RUNDC3B: variants seen among roughly 807,000 people sequenced by gnomAD.
The protein encoded by RUNDC3B is RUN domain containing 3B, also known as RUN domain-containing protein 3B.
RUNDC3B carries 33 observed loss-of-function variants against 58.4 expected under a neutral mutation model. That is an observed-to-expected ratio of 0.56 (90% CI 0.43 to 0.75). RUNDC3B has a LOEUF of 0.75. Among genes scored for constraint, RUNDC3B ranks in the 30% least tolerant of loss-of-function variants. The pLI, the probability that RUNDC3B is intolerant of heterozygous loss-of-function variation, is 0.00. For missense variants in RUNDC3B, 501 were observed against 535.7 expected, an observed-to-expected ratio of 0.94 and a Z score of 0.64; for synonymous variants, 193 against 195.2, an observed-to-expected ratio of 0.99 and a Z score of 0.10.
chr7:87,710,441 T>A (rs1469953023), intron 3 of RUNDC3B, 129 bp from the exon 4 acceptor site: 2 of 602,508 alleles, frequency 3.3e-6, no homozygotes, highest in Non-Finnish European at 5.8e-6. Context: ...TACTTAAACA[T>A]TTTTCTTAGT....
intron 6 of RUNDC3B, among the ~76,000 whole-genome samples, chr7:87,753,958 A>C (rs554980730): frequency 6.6e-6 from 1 of 152,330 alleles, no homozygotes; most frequent in South Asian, 2.1e-4. Context: ...ATATAAAGGC[A>C]CATTTATTAA....
At chr7:87,648,791 A>C (rs1208389689) in intron 1 of RUNDC3B, among the ~76,000 whole-genome samples, 1 of 152,170 alleles carries the variant, frequency 6.6e-6, no homozygotes, top group African/African-American at 2.4e-5. Flanking sequence ...TTACTTAATT[A>C]TAAAGATTAT....
At chr7:87,718,135 A>G (rs943112990) in intron 4 of RUNDC3B, among the ~76,000 whole-genome samples, 5 of 152,180 alleles carry the variant, frequency 3.3e-5, no homozygotes, top group Non-Finnish European at 5.9e-5. Flanking sequence ...AAAAGGATGC[A>G]AAGCATATAA....
chr7:87,735,320 G>T (rs371618789), intron 4 of RUNDC3B, among the ~76,000 whole-genome samples: 1 of 152,058 alleles, frequency 6.6e-6, no homozygotes. Flanking sequence ...CAGTCATCTA[G>T]ACCTCTTTTA....
chr7:87,819,028 C>A (rs575843782), intron 10 of RUNDC3B, among the ~76,000 whole-genome samples: 1 of 152,242 alleles, frequency 6.6e-6, no homozygotes, highest in Admixed American at 6.5e-5. Context: ...CTTGCAGACC[C>A]CTGACCCAGC....
intron 1 of RUNDC3B, among the ~76,000 whole-genome samples, chr7:87,650,097 A>G (rs1823430539): frequency 6.6e-6 from 1 of 152,078 alleles, no homozygotes; most frequent in Non-Finnish European, 1.5e-5. Flanking sequence ...ATTTTATTCT[A>G]TTTTGTGCTC....
At chr7:87,743,682 T>C (rs1399403069) in intron 6 of RUNDC3B, among the ~76,000 whole-genome samples, 1 of 152,092 alleles carries the variant, frequency 6.6e-6, no homozygotes, top group Non-Finnish European at 1.5e-5. Flanking sequence ...TTCATACTGA[T>C]TTGTTTGAGT....
intron 2 of RUNDC3B, among the ~76,000 whole-genome samples, chr7:87,698,373 C>T (rs1449149316): frequency 2.6e-5 from 4 of 152,076 alleles, no homozygotes; most frequent in Admixed American, 2.6e-4. Context: ...GGATTACAGG[C>T]GTGAGCCACC....
At chr7:87,795,595 T>A (rs922042856) in intron 8 of RUNDC3B, among the ~76,000 whole-genome samples, 8 of 151,934 alleles carry the variant, frequency 5.3e-5, no homozygotes, top group Non-Finnish European at 8.8e-5. Context: ...TTAAAAATAA[T>A]GGCTGGGCAT....
At chr7:87,703,620 A>G (rs1829280734) in intron 3 of RUNDC3B, among the ~76,000 whole-genome samples, 1 of 152,058 alleles carries the variant, frequency 6.6e-6, no homozygotes, top group African/African-American at 2.4e-5. Flanking sequence ...TGTCTCACGT[A>G]TTTAAGCCAG....
At chr7:87,782,034 G>A (rs1834951352) in intron 8 of RUNDC3B, among the ~76,000 whole-genome samples, 1 of 151,962 alleles carries the variant, frequency 6.6e-6, no homozygotes, top group Non-Finnish European at 1.5e-5. Context: ...TGGTATTTTG[G>A]AATAGTTTCA....
intron 8 of RUNDC3B, among the ~76,000 whole-genome samples, chr7:87,803,716 T>C (rs1836289445): frequency 6.6e-6 from 1 of 152,228 alleles, no homozygotes; most frequent in South Asian, 2.1e-4. Context: ...TGTCCTCCAC[T>C]GCCTACCTAA....
chr7:87,716,143 G>A (rs1242886021), intron 4 of RUNDC3B, among the ~76,000 whole-genome samples: 1 of 152,102 alleles, frequency 6.6e-6, no homozygotes, highest in African/African-American at 2.4e-5. Flanking sequence ...TGGGAAATCT[G>A]CCTACCATCA....
intron 1 of RUNDC3B, among the ~76,000 whole-genome samples, chr7:87,646,544 T>C (rs1362216947): frequency 1.3e-5 from 2 of 152,196 alleles, no homozygotes; most frequent in African/African-American, 4.8e-5. Context: ...TTGAGCAGTG[T>C]GGATGCAGAG....
chr7:87,802,326 T>C (rs989368872), intron 8 of RUNDC3B, among the ~76,000 whole-genome samples: 7 of 151,944 alleles, frequency 4.6e-5, no homozygotes, highest in African/African-American at 1.2e-4. Context: ...GACTCAGAGA[T>C]TGAGGCTGCA....
chr7:87,816,430 G>T (rs1207119637), intron 10 of RUNDC3B, among the ~76,000 whole-genome samples, 168 bp downstream of exon 10: 2 of 152,132 alleles, frequency 1.3e-5, no homozygotes, highest in Admixed American at 1.3e-4. Context: ...TCGTGTGTGT[G>T]TGGGGGGGGC....
intron 4 of RUNDC3B, among the ~76,000 whole-genome samples, chr7:87,714,665 G>A (rs570173570): frequency 1.5e-4 from 23 of 152,100 alleles, no homozygotes; most frequent in Non-Finnish European, 2.9e-4. Context: ...CTGGTTAGAC[G>A]AGAAATTCTC....
At chr7:87,697,784 T>G (rs965948794) in intron 2 of RUNDC3B, among the ~76,000 whole-genome samples, 1 of 152,190 alleles carries the variant, frequency 6.6e-6, no homozygotes, top group Non-Finnish European at 1.5e-5. Context: ...TTATTTTCAA[T>G]TTACAGAAGA....
intron 9 of RUNDC3B, among the ~76,000 whole-genome samples, chr7:87,809,774 T>C (rs1660664230): frequency 6.6e-6 from 1 of 152,150 alleles, no homozygotes; most frequent in Non-Finnish European, 1.5e-5. Flanking sequence ...ATTTTCAGAA[T>C]AGAGGAGTTC....
Sources: gnomAD v4.1 joint callset for allele counts (sites outside exome capture counted in the v4.1 genomes callset) on GRCh38, gnomAD v4.1.1 for gene constraint, MANE v1.5 for transcripts, NCBI Gene and HGNC (gene_info 2026-07-23, HGNC 2026-07-21) for gene names.